The following PTPRS variants were observed in gnomAD, a reference collection of about 807,000 sequenced individuals.
The protein encoded by PTPRS is protein tyrosine phosphatase receptor type S.
Under a neutral mutation model 215.3 loss-of-function variants are expected in PTPRS, and 63 were observed. That is an observed-to-expected ratio of 0.29 (90% CI 0.24 to 0.36). PTPRS has a LOEUF of 0.36. PTPRS is among the 10% of genes least tolerant of loss of function. The pLI is 1.00. For synonymous variants in PTPRS, 1,404 were observed against 1,191.4 expected, an observed-to-expected ratio of 1.18 and a Z score of -3.68; for missense variants, 2,258 against 2,825.8, an observed-to-expected ratio of 0.80 and a Z score of 4.56.
chr19:5,278,180 T>C, intron 2 of PTPRS: 1 of 76,268 alleles, frequency 1.3e-5, no homozygotes. Flanking sequence ...ATGTAGAAAC[T>C]GCCAAAAAAA....
chr19:5,315,613 C>T (rs1171523659), intron 1 of PTPRS, among the ~76,000 whole-genome samples: 4 of 151,186 alleles, frequency 2.6e-5, no homozygotes, highest in African/African-American at 9.7e-5. Flanking sequence ...GATCCTCCCA[C>T]CTCAGCCTCC....
chr19:5,235,235 C>G (rs1037349637), intron 13 of PTPRS, among the ~76,000 whole-genome samples: 1 of 151,986 alleles, frequency 6.6e-6, no homozygotes, highest in Non-Finnish European at 1.5e-5. Flanking sequence ...CCGCCGCGCC[C>G]GGCCAATAGT....
chr19:5,296,228 G>GT (rs1302566058), intron 1 of PTPRS, among the ~76,000 whole-genome samples: 8 of 152,218 alleles, frequency 5.3e-5, no homozygotes, highest in African/African-American at 1.9e-4. Flanking sequence ...TCAGATGGTG[G>GT]TAAGGGCCCT....
At chr19:5,224,970 A>C (rs904222621) in intron 17 of PTPRS, among the ~76,000 whole-genome samples, 4 of 151,780 alleles carry the variant, frequency 2.6e-5, no homozygotes, top group Middle Eastern at 3.2e-3. Context: ...TGTTCCTGAA[A>C]CACCCGAGCT....
chr19:5,305,723 C>G (rs1043569227), intron 1 of PTPRS, among the ~76,000 whole-genome samples: 1 of 136,864 alleles, frequency 7.3e-6, no homozygotes, highest in Non-Finnish European at 1.6e-5. Context: ...AGGGAGACCC[C>G]GTCTCTGAAA....
intron 26 of PTPRS, 110 bp from the exon 27 acceptor site, chr19:5,215,705 G>T: frequency 1.3e-6 from 1 of 794,360 alleles, no homozygotes; most frequent in Non-Finnish European, 2.0e-6. Flanking sequence ...GCTGTGGTTA[G>T]AAGGGCATGG....
chr19:5,313,284 G>A (rs994502056), intron 1 of PTPRS, among the ~76,000 whole-genome samples: 31 of 152,246 alleles, frequency 2.0e-4, no homozygotes, highest in East Asian at 1.9e-3. Flanking sequence ...AACAGCAGAC[G>A]CCTAATAAGT....
chr19:5,323,597 C>T (rs549439519), intron 1 of PTPRS, among the ~76,000 whole-genome samples: 2 of 152,358 alleles, frequency 1.3e-5, no homozygotes, highest in Admixed American at 1.3e-4. Flanking sequence ...GGGGCGGGAC[C>T]ATGCCTGGTG....
chr19:5,239,126 A>C, intron 12 of PTPRS, 63 bp from the exon 13 acceptor site: 1 of 1,149,988 alleles, frequency 8.7e-7, no homozygotes, highest in Non-Finnish European at 1.2e-6. Flanking sequence ...ACAGAAACAA[A>C]GGGGAGAGAG....
At chr19:5,334,889 C>T (rs1475682918) in intron 1 of PTPRS, among the ~76,000 whole-genome samples, 1 of 152,178 alleles carries the variant, frequency 6.6e-6, no homozygotes, top group Non-Finnish European at 1.5e-5. Flanking sequence ...GACAAGGATG[C>T]TACTGACTTG....
chr19:5,296,051 G>A (rs537000906), intron 1 of PTPRS, among the ~76,000 whole-genome samples: 12 of 152,200 alleles, frequency 7.9e-5, no homozygotes, highest in Admixed American at 3.9e-4. Flanking sequence ...CCCGTAATAA[G>A]GTTAAGCCCA....
chr19:5,333,591 T>A (rs1049629766), intron 1 of PTPRS, among the ~76,000 whole-genome samples: 7 of 151,868 alleles, frequency 4.6e-5, no homozygotes, highest in Non-Finnish European at 8.8e-5. Flanking sequence ...AGTCAACTCT[T>A]CTCTTCTTGT....
rs1434406998 is a variant in PTPRS at position 5,265,049 on chromosome 19, T to C, written c.527A>G (p.Asp176Gly). 1 of 1,614,056 alleles carries C rather than the reference T, an allele frequency of 6.2e-7. No homozygotes were observed. The highest frequency in any genetic ancestry group is 1.1e-5 in the South Asian group (1 of 91,070). ...ITWFKDFLPV[D>G]PSASNGRIKQ... ...GATGCGTCCATTGCTGGCACTAGGA[T>C]CCACAGGCAGGAAGTCCTTGAACCA... Residue 176 changes from aspartate to glycine, a missense_variant, in exon 5 of 38, where the codon GAT becomes GGT. This residue lies in a region of PTPRS where 508 missense variants were observed against 799.4 expected (regional missense o/e 0.64). Coordinates refer to ENST00000262963, the MANE Select transcript of PTPRS (RefSeq NM_002850.4).
rs1388036764 is a variant in PTPRS at position 5,257,651 on chromosome 19, C to T, written c.706+366G>A. Among the ~76,000 whole-genome samples, 2 of 152,172 alleles carry T rather than the reference C, an allele frequency of 1.3e-5. No homozygotes were observed. On this transcript the variant is annotated intron_variant, in intron 8 of 37. Transcript: ENST00000262963. This position sits in a 1 kb window ranked among gnomAD's most constrained non-coding sequence, Gnocchi z 4.4. ...CACCACAGAAGCCAACTCGGGTGGG[C>T]AGGCAGGTGGGGTGGGGCGGGGCAG... is the stretch of plus-strand genomic sequence containing the variant.
chr19:5,256,618 C>T (rs912829028), intron 8 of PTPRS, among the ~76,000 whole-genome samples: 2 of 152,116 alleles, frequency 1.3e-5, no homozygotes, highest in African/African-American at 4.8e-5. Context: ...CAGGTGTTGG[C>T]AGAGAAATAA....
chr19:5,218,964 C>G, intron 23 of PTPRS, 166 bp from the exon 24 acceptor site: 1 of 719,542 alleles, frequency 1.4e-6, no homozygotes, highest in East Asian at 2.7e-5. Flanking sequence ...TGTCCCCCTG[C>G]CTATCGACAC....
chr19:5,222,327 T>C, intron 18 of PTPRS, 107 bp from the exon 19 acceptor site: 1 of 895,066 alleles, frequency 1.1e-6, no homozygotes, highest in Non-Finnish European at 1.8e-6. Flanking sequence ...AGGCGCTCCC[T>C]GTCGTCCGCT....
At chr19:5,285,950 C>G (rs1186807471) in intron 2 of PTPRS, 100 bp downstream of exon 2, 2 of 1,139,076 alleles carry the variant, frequency 1.8e-6, no homozygotes, top group Non-Finnish European at 2.5e-6. Flanking sequence ...ATGGAGGGCC[C>G]CAGGGAGGAG....
chr19:5,287,880 GAC>G lies in PTPRS; in HGVS notation c.-94-1648_-94-1647del, dbSNP rs1002284293. On this transcript the variant is annotated intron_variant, in intron 1 of 37. Coordinates refer to ENST00000262963, the MANE Select transcript of PTPRS (RefSeq NM_002850.4). The surrounding 1 kb of genome is among the most constrained non-coding windows in gnomAD (Gnocchi z 4.8). ...CACAGTCAAACCACCGATACACACC[GAC>G]ACACAGTCAGACTGCAAGCGGTTGC... Among the ~76,000 whole-genome samples, 1 of 150,334 alleles carries G rather than the reference GAC, an allele frequency of 6.7e-6. No homozygotes were observed. The highest frequency in any genetic ancestry group is 1.5e-5 in the Non-Finnish European group (1 of 67,732).
Sources: allele counts gnomAD v4.1 joint callset (sites outside exome capture counted in the v4.1 genomes callset), GRCh38; gene constraint gnomAD v4.1.1; regional missense constraint gnomAD v4.1.1; non-coding constraint Gnocchi (gnomAD v3.1); transcripts MANE v1.5; gene names NCBI Gene and HGNC (gene_info 2026-07-23, HGNC 2026-07-21).